Variants in ASAH1 observed in about 807,000 individuals in gnomAD.
ASAH1 encodes the protein N-acylsphingosine amidohydrolase 1, also known as acid ceramidase.
A neutral mutation model predicts 59.5 loss-of-function variants in ASAH1; 70 were observed. That is an observed-to-expected ratio of 1.18 (90% CI 0.97 to 1.43). ASAH1 has a LOEUF of 1.43. Among genes scored for constraint, ASAH1 ranks in the 40% most tolerant of loss-of-function variants. The pLI is 0.00. For synonymous variants in ASAH1, 213 were observed against 166.5 expected, an observed-to-expected ratio of 1.28 and a Z score of -2.15; for missense variants, 660 against 482.5, an observed-to-expected ratio of 1.37 and a Z score of -3.45.
At chr8:18,075,855 C>G (rs1476273552) in intron 1 of ASAH1, 1 of 487,082 alleles carries the variant, frequency 2.1e-6, no homozygotes, top group Non-Finnish European at 3.7e-6. Flanking sequence ...GAGTAACGAA[C>G]AAATGTAACA....
upstream of ASAH1, chr8:18,084,673 C>G (rs757727291): frequency 2.5e-6 from 4 of 1,613,428 alleles, no homozygotes; most frequent in Admixed American, 5.0e-5. Flanking sequence ...GTTGGTTACC[C>G]ACTTGGGCTT....
chr8:18,077,487 GA>G (rs1800455558), intron 1 of ASAH1, among the ~76,000 whole-genome samples: 1 of 152,144 alleles, frequency 6.6e-6, no homozygotes, highest in Non-Finnish European at 1.5e-5. Context: ...AGATGATTCA[GA>G]GGCTAACTCT....
At chr8:18,079,377 T>C (rs1800554982) in intron 1 of ASAH1, among the ~76,000 whole-genome samples, 1 of 151,704 alleles carries the variant, frequency 6.6e-6, no homozygotes, top group African/African-American at 2.4e-5. Flanking sequence ...AACTTAAGCC[T>C]CTTTGAATGT....
chr8:18,064,969 C>T (rs1799871167), intron 5 of ASAH1: 1 of 158,928 alleles, frequency 6.3e-6, no homozygotes, highest in Admixed American at 6.2e-5. Context: ...TAGTACAGAG[C>T]TGCCAAGAAA....
At position 18,061,393 on chromosome 8, in the gene ASAH1, G is replaced by C; in HGVS notation, c.769C>G (p.Leu257Val). The change falls in exon 10 of 14, where the codon CTG (leucine) becomes GTG (valine). Residue 257 changes from leucine to valine, a missense_variant. Coordinates refer to ENST00000637790, the MANE Select transcript of ASAH1 (RefSeq NM_177924.5). ...ACACTTTACCTTGTGCTATTTTCCA[G>C]AACTGTTCTAGTGAGGAACCCTATC... is the stretch of plus-strand genomic sequence containing the variant. ...MWIGFLTRTV[L>V]ENSTSYEEAK... 3 of 1,612,018 alleles carry C rather than the reference G, an allele frequency of 1.9e-6. No individual in the cohort carries two copies. The South Asian group carries it at 3.3e-5, about 18-fold the overall frequency.
intron 7 of ASAH1, chr8:18,062,913 C>T (rs1228596013): frequency 1.7e-5 from 6 of 362,210 alleles, no homozygotes; most frequent in Non-Finnish European, 2.5e-5. Context: ...CTCTGTATCC[C>T]AAGCTGCAGT....
chr8:18,061,983 G>A, intron 8 of ASAH1: 3 of 622,230 alleles, frequency 4.8e-6, no homozygotes, highest in Non-Finnish European at 8.4e-6. Context: ...GGCAGAGAAT[G>A]AACGCCTGAC....
intron 2 of ASAH1, among the ~76,000 whole-genome samples, chr8:18,072,145 C>G (rs1800200679): frequency 6.6e-6 from 1 of 152,178 alleles, no homozygotes; most frequent in Admixed American, 6.5e-5. Context: ...ACATTATTTT[C>G]TGGCCCTGGT....
At position 18,075,405 on chromosome 8, in the gene ASAH1, G is replaced by A. The variant is rs1234083432; in HGVS notation, c.125+136C>T. 7.2e-6 allele frequency: 7 copies of A among 976,432 alleles called. No individual in the cohort carries two copies. The African/African-American group carries it at 8.0e-5, about 11-fold the overall frequency. The allele number at this position is 976,432 out of a possible 1,614,324, so 60.5% of individuals were successfully genotyped here. A position where few individuals can be genotyped will look rare whatever the true frequency, so the allele number is the denominator to read the frequency against. ...CCAAATGCATAATAAACAAATCTGA[G>A]AAACAAACCTCTGTCTCGGAATGGG... On this transcript the variant is annotated intron_variant, in intron 2 of 13. Transcript: ENST00000637790.
intron 5 of ASAH1, 100 bp downstream of exon 5, chr8:18,067,120 A>AAGACATACAGCACCTGTGCTGTATATCT: frequency 7.5e-6 from 4 of 531,692 alleles, no homozygotes; most frequent in Non-Finnish European, 1.0e-5. Flanking sequence ...CTGTATATCT[A>AAGACATACAGCACCTGTGCTGTATATCT]AGACATACAG....
intron 2 of ASAH1, among the ~76,000 whole-genome samples, chr8:18,075,106 C>G (rs1800343668): frequency 6.7e-6 from 1 of 150,220 alleles, no homozygotes; most frequent in Non-Finnish European, 1.5e-5. Flanking sequence ...CGCCATTCTC[C>G]TGCCTCAGCC....
intron 4 of ASAH1, among the ~76,000 whole-genome samples, chr8:18,069,172 C>T (rs1302360193): frequency 6.6e-6 from 1 of 151,412 alleles, no homozygotes; most frequent in Admixed American, 6.6e-5. Flanking sequence ...GCTGCCCAAC[C>T]CCAAATGTCA....
chr8:18,073,302 A>G, intron 2 of ASAH1: 1 of 1,567,878 alleles, frequency 6.4e-7, no homozygotes, highest in Non-Finnish European at 8.7e-7. Context: ...AAAAATAAAA[A>G]AAACACTTAG....
intron 7 of ASAH1, chr8:18,062,868 C>CTTTTTTTTTTTT (rs10562212): frequency 5.7e-6 from 1 of 174,718 alleles, no homozygotes; most frequent in Non-Finnish European, 1.1e-5. Flanking sequence ...GTTCTGTGTT[C>CTTTTTTTTTTTT]TTTTTTTTTT....
chr8:18,069,203 T>A (rs1023688344), intron 4 of ASAH1, among the ~76,000 whole-genome samples: 1 of 146,810 alleles, frequency 6.8e-6, no homozygotes, highest in African/African-American at 2.5e-5. Flanking sequence ...AAATCTGCCA[T>A]CAAGAGCAAT....
chr8:18,064,458 T>G lies in ASAH1; in HGVS notation c.456A>C (p.Lys152Asn), dbSNP rs200455852. 9.2e-5 allele frequency: 143 copies of G among 1,553,542 alleles called. No individual in the cohort carries two copies. Among genetic ancestry groups the G allele is most frequent in the Admixed American group, 1.7e-4 (10 of 59,632 alleles). Reference protein sequence around the residue: ...ICTSIVAEDKKGHLIHGRNMD... With the variant: ...ICTSIVAEDKNGHLIHGRNMD... ...CACCCTCCCTCAGCGCACAATTACC[T>G]TTTTTGTCTTCTGCTACTATTGAAG... The change falls in exon 6 of 14, where the codon AAA becomes AAC. Residue 152 changes from lysine (K) to asparagine (N), a missense_variant and splice_region_variant. Coordinates refer to ENST00000637790, the MANE Select transcript of ASAH1 (RefSeq NM_177924.5).
At chr8:18,066,421 C>T (rs1000732376) in intron 5 of ASAH1, 40 of 57,974 alleles carry the variant, frequency 6.9e-4, no homozygotes, top group African/African-American at 3.3e-3. Context: ...ACAAAGAAAA[C>T]CAAAAAAAAA....
chr8:18,069,936 T>C, intron 3 of ASAH1, 58 bp from the exon 4 acceptor site: 1 of 1,283,234 alleles, frequency 7.8e-7, no homozygotes, highest in Non-Finnish European at 1.1e-6. Context: ...CAAGATTACC[T>C]TTTGGCTTAC....
At chr8:18,067,111 TG>T in intron 5 of ASAH1, 108 bp downstream of exon 5, 1 of 497,926 alleles carries the variant, frequency 2.0e-6, no homozygotes, top group Non-Finnish European at 2.8e-6. Flanking sequence ...GCACCTGTGC[TG>T]TATATCTAAG....
Sources: allele counts gnomAD v4.1 joint callset (sites outside exome capture counted in the v4.1 genomes callset), GRCh38; gene constraint gnomAD v4.1.1; transcripts MANE v1.5; gene names NCBI Gene and HGNC (gene_info 2026-07-23, HGNC 2026-07-21).